The following ANKRD27 variants were observed in gnomAD, a reference collection of about 807,000 sequenced individuals.
ANKRD27 encodes the protein ankyrin repeat domain-containing protein 27.
ANKRD27 carries 112 observed loss-of-function variants against 129.7 expected under a neutral mutation model. That is an observed-to-expected ratio of 0.86 (90% confidence interval 0.74 to 1.01). The LOEUF is 1.01. Among genes scored for constraint, ANKRD27 ranks in the 50% least tolerant of loss-of-function variants. The pLI is 0.00. For synonymous variants in ANKRD27, 516 were observed against 511.2 expected, an observed-to-expected ratio of 1.01 and a Z score of -0.13; for missense variants, 1,258 against 1,300.5, an observed-to-expected ratio of 0.97 and a Z score of 0.50.
At chr19:32,615,877 C>T (rs1428962336) in intron 21 of ANKRD27, 97 bp from the exon 22 acceptor site, 3 of 1,506,682 alleles carry the variant, frequency 2.0e-6, no homozygotes, top group African/African-American at 2.8e-5. Flanking sequence ...CAATCAGGGC[C>T]CACGCTTCCT....
rs767428027 is a variant in ANKRD27 at position 32,604,317 on chromosome 19, C to T, written c.2601G>A (p.Ala867=). The change falls in exon 25 of 29, where the codon GCG becomes GCA. Residue 867 remains alanine (A), a synonymous_variant. Coordinates refer to ENST00000306065, the MANE Select transcript of ANKRD27 (RefSeq NM_032139.3). ...GCCGCTTGTTCAGCACCTGAACTGACGCTCCGTGGAGCAGAAGCAGCTCTA... is the reference window on the plus strand; with the variant it reads ...GCCGCTTGTTCAGCACCTGAACTGATGCTCCGTGGAGCAGAAGCAGCTCTA... ...FVVELLLLHG[A]SVQVLNKRQR... The T allele has an allele frequency of 6.1e-5, 98 of 1,613,876 alleles. No homozygotes were observed. In the East Asian group the frequency reaches 1.5e-3, roughly 25 times the overall value.
chr19:32,664,612 T>C (rs1335099128), intron 1 of ANKRD27, among the ~76,000 whole-genome samples: 3 of 98,380 alleles, frequency 3.0e-5, no homozygotes, highest in Non-Finnish European at 6.7e-5. Context: ...CAAGACTCCA[T>C]CCCCAAATAA....
chr19:32,613,075 C>T (rs958932604), intron 22 of ANKRD27, among the ~76,000 whole-genome samples: 11 of 152,080 alleles, frequency 7.2e-5, no homozygotes, highest in East Asian at 3.8e-4. Flanking sequence ...ATAAATTCAA[C>T]GATAAAGCCA....
At chr19:32,629,841 GTTCTTT>G (rs899418205) in intron 13 of ANKRD27, among the ~76,000 whole-genome samples, 2 of 110,954 alleles carry the variant, frequency 1.8e-5, no homozygotes, top group Non-Finnish European at 3.5e-5. Flanking sequence ...TTCCTCTTGT[GTTCTTT>G]TTTTTTTTTT....
At chr19:32,640,659 T>C (rs1325319393) in intron 10 of ANKRD27, among the ~76,000 whole-genome samples, 1 of 152,140 alleles carries the variant, frequency 6.6e-6, no homozygotes, top group African/African-American at 2.4e-5. Context: ...CCCAGTGCTT[T>C]GGGAGGCCGA....
At chr19:32,606,054 G>A (rs1163695745) in intron 23 of ANKRD27, 100 bp from the exon 24 acceptor site, 2 of 1,038,088 alleles carry the variant, frequency 1.9e-6, no homozygotes, top group South Asian at 2.3e-5. Flanking sequence ...AATAAAATAA[G>A]AAAACAAAGT....
intron 17 of ANKRD27, among the ~76,000 whole-genome samples, chr19:32,623,219 C>G (rs1196789688): frequency 1.3e-5 from 2 of 152,200 alleles, no homozygotes; most frequent in African/African-American, 2.4e-5. Flanking sequence ...ACTGAGAGGC[C>G]TGCTTGCAAG....
At chr19:32,607,529 G>C in intron 23 of ANKRD27, 106 bp downstream of exon 23, 1 of 1,343,604 alleles carries the variant, frequency 7.4e-7, no homozygotes. Flanking sequence ...CGGGGGAGCA[G>C]TGTCCTCCAG....
chr19:32,638,491 GA>G (rs753335512), intron 12 of ANKRD27: 2 of 152,250 alleles, frequency 1.3e-5, no homozygotes, highest in Non-Finnish European at 2.9e-5. Context: ...CAAATGGCAG[GA>G]CTGAAAGAGC....
At chr19:32,610,558 G>A (rs973751935) in intron 22 of ANKRD27, among the ~76,000 whole-genome samples, 19 of 151,550 alleles carry the variant, frequency 1.3e-4, no homozygotes, top group Admixed American at 3.9e-4. Flanking sequence ...TTGGGAGGCT[G>A]AGGCAAGCGG....
chr19:32,657,687 G>C (rs1967568595), intron 2 of ANKRD27, among the ~76,000 whole-genome samples: 5 of 151,374 alleles, frequency 3.3e-5, no homozygotes, highest in Admixed American at 2.0e-4. Context: ...TCAAAGTCAA[G>C]TCCAGGCCAG....
chr19:32,639,271 C>A, intron 12 of ANKRD27, 85 bp downstream of exon 12: 1 of 1,528,182 alleles, frequency 6.5e-7, no homozygotes, highest in South Asian at 1.2e-5. Flanking sequence ...TTTAAGAATC[C>A]GTCTGCCCAC....
chr19:32,618,924 A>C (rs1383229516), intron 20 of ANKRD27, among the ~76,000 whole-genome samples: 1 of 152,220 alleles, frequency 6.6e-6, no homozygotes, highest in African/African-American at 2.4e-5. Flanking sequence ...AAAATAAAAA[A>C]TAAAAATAAA....
intron 22 of ANKRD27, among the ~76,000 whole-genome samples, chr19:32,612,233 A>C (rs1356312795): frequency 2.0e-5 from 3 of 152,186 alleles, no homozygotes; most frequent in Admixed American, 1.3e-4. Flanking sequence ...AAGAAGGCCT[A>C]AATACTTGGA....
rs958127664 is a variant in ANKRD27, at chr19:32,598,256, T to C, written c.3042A>G (p.Gly1014=). 6 of 1,614,182 alleles carry C rather than the reference T, an allele frequency of 3.7e-6. No individual in the cohort carries two copies. Among genetic ancestry groups the C allele is most frequent in the Non-Finnish European group, 5.1e-6 (6 of 1,180,044 alleles). The change falls in exon 29 of 29, where the codon GGA becomes GGG. Residue 1014 remains glycine (G), a synonymous_variant. Transcript: ENST00000306065. Reference sequence around the variant, plus strand: ...TGTGTCTCCGCAGCATCCGTCTGTGTCCAGGGCCAGTCTGTGTCAGTCCAG... The same window carrying C: ...TGTGTCTCCGCAGCATCCGTCTGTGCCCAGGGCCAGTCTGTGTCAGTCCAG... The part of the protein sequence containing the change: ...ERPGLTQTGP[G]HRRMLRRHTV...
chr19:32,650,678 T>TAAA (rs929043931), intron 2 of ANKRD27, among the ~76,000 whole-genome samples: 2 of 128,672 alleles, frequency 1.6e-5, no homozygotes, highest in African/African-American at 2.9e-5. Context: ...ACTCTGTCTT[T>TAAA]AAAAAAAAAA....
intron 3 of ANKRD27, among the ~76,000 whole-genome samples, chr19:32,647,803 A>G (rs1813035864): frequency 6.6e-6 from 1 of 152,244 alleles, no homozygotes; most frequent in Non-Finnish European, 1.5e-5. Context: ...CCATGACCAC[A>G]GTAAGCCATG....
Position 32,619,257 on chromosome 19 carries a change from C to T in ANKRD27, c.2007+3G>A, listed in dbSNP as rs775504203. On this transcript the variant is annotated splice_donor_region_variant and intron_variant, in intron 20 of 28. Transcript: ENST00000306065. ...TCCCCAGCCCTTCCTCTGGAAGCCTCACCTCTCTGTAGTCCTTCTTGGTCT... is the reference window on the plus strand; with the variant it reads ...TCCCCAGCCCTTCCTCTGGAAGCCTTACCTCTCTGTAGTCCTTCTTGGTCT... The T allele has an allele frequency of 2.5e-6, 4 of 1,610,938 alleles. No individual in the cohort carries two copies. In the African/African-American group the frequency reaches 5.3e-5, roughly 22 times the overall value.
In ANKRD27 at chr19:32,642,100, T is replaced by C. The variant is rs779478465; in HGVS notation, c.828A>G (p.Lys276=). The change falls in exon 10 of 29, where the codon AAA becomes AAG. Residue 276 remains lysine (K), a synonymous_variant. Transcript: ENST00000306065. Reference sequence around the variant, plus strand: ...CAAGCTTCTGCTGTGGGGAGGTGCATTTGTTCAGCTGAGCCAGCTCTCTTT... The same window carrying C: ...CAAGCTTCTGCTGTGGGGAGGTGCACTTGTTCAGCTGAGCCAGCTCTCTTT... ...RAKRELAQLN[K]CTSPQQKLVC... The C allele has an allele frequency of 4.3e-6, 7 of 1,610,616 alleles. No individual in the cohort carries two copies. In the Admixed American group the frequency reaches 8.4e-5, roughly 19 times the overall value.
Sources: allele counts gnomAD v4.1 joint callset (sites outside exome capture counted in the v4.1 genomes callset), GRCh38; gene constraint gnomAD v4.1.1; transcripts MANE v1.5; gene names NCBI Gene and HGNC (gene_info 2026-07-23, HGNC 2026-07-21).